Variants in PCDHGB5 observed in about 807,000 individuals in gnomAD.
PCDHGB5 encodes the protein protocadherin gamma subfamily B, 5.
A neutral mutation model predicts 62.9 loss-of-function variants in PCDHGB5; 48 were observed. That is an observed-to-expected ratio of 0.76 (90% CI 0.61 to 0.97). The LOEUF (loss-of-function observed/expected upper bound fraction) is 0.97, where lower values mean the gene tolerates loss of function less well. PCDHGB5 is among the 50% of genes least tolerant of loss of function. The pLI, the probability that PCDHGB5 is intolerant of heterozygous loss-of-function variation, is 0.00. For missense variants in PCDHGB5, 1,118 were observed against 1,198.6 expected, an observed-to-expected ratio of 0.93 and a Z score of 0.99; for synonymous variants, 474 against 511.2, an observed-to-expected ratio of 0.93 and a Z score of 0.98.
At chr5:141,410,364 C>A in intron 1 of PCDHGB5, 1 of 1,614,064 alleles carries the variant, frequency 6.2e-7, no homozygotes, top group Non-Finnish European at 8.5e-7. Flanking sequence ...TCTCTCAGCC[C>A]TGCTACTTGG....
chr5:141,421,064 G>A (rs2096543646), intron 1 of PCDHGB5: 2 of 593,294 alleles, frequency 3.4e-6, no homozygotes, highest in Non-Finnish European at 5.7e-6. Context: ...ACACAAAGCG[G>A]AATGAGATGG....
chr5:141,409,748 G>C, intron 1 of PCDHGB5: 2 of 1,613,018 alleles, frequency 1.2e-6, no homozygotes, highest in South Asian at 2.2e-5. Context: ...GGTGGTGTTC[G>C]CGCAGCGCGC....
At chr5:141,443,760 T>C (rs894568340) in intron 1 of PCDHGB5, among the ~76,000 whole-genome samples, 20 of 152,040 alleles carry the variant, frequency 1.3e-4, no homozygotes, top group African/African-American at 4.6e-4. Context: ...AAGCTTACAA[T>C]ATACAATATT....
At chr5:141,475,491 C>T (rs1321482409) in intron 1 of PCDHGB5, among the ~76,000 whole-genome samples, 2 of 152,202 alleles carry the variant, frequency 1.3e-5, no homozygotes, top group African/African-American at 4.8e-5. Flanking sequence ...AGAGATAAAA[C>T]TGAAATTATT....
intron 1 of PCDHGB5, among the ~76,000 whole-genome samples, chr5:141,466,757 T>G (rs1486124876): frequency 6.6e-6 from 1 of 152,224 alleles, no homozygotes; most frequent in Non-Finnish European, 1.5e-5. Context: ...AGGGGCTCTT[T>G]TCAAACTGTT....
rs1233801398 is a variant in PCDHGB5, at chr5:141,431,238, C to T, written c.2397+30714C>T. The stretch of plus-strand genomic sequence containing the variant: ...TTCCCTCTACCCCACGCCTGGGATC[C>T]GGATATCGGGAAGAACTCTCTGCAG... On this transcript the variant is annotated intron_variant, in intron 1 of 3. Coordinates refer to ENST00000617380, the MANE Select transcript of PCDHGB5 (RefSeq NM_018925.3). This position sits in a 1 kb window ranked among gnomAD's most constrained non-coding sequence, Gnocchi z 4.8. The T allele has an allele frequency of 3.7e-6, 6 of 1,614,156 alleles. No homozygotes were observed. Among genetic ancestry groups the T allele is most frequent in the Non-Finnish European group, 8.5e-7 (1 of 1,180,038 alleles).
In PCDHGB5 at chr5:141,491,091, A is replaced by T; in HGVS notation, c.2398-3716A>T. ...TGTTGCCACAGTCCACAGCCCCAGG[A>T]CTGTTCCTCGTGTCTACACACACTG... On this transcript the variant is annotated intron_variant, in intron 1 of 3. Transcript: ENST00000617380. This position sits in a 1 kb window ranked among gnomAD's most constrained non-coding sequence, Gnocchi z 6.9. The T allele has an allele frequency of 6.2e-7, 1 of 1,614,032 alleles. No individual in the cohort carries two copies. Among genetic ancestry groups the T allele is most frequent in the Non-Finnish European group, 8.5e-7 (1 of 1,180,000 alleles).
intron 1 of PCDHGB5, among the ~76,000 whole-genome samples, chr5:141,406,983 A>G (rs997882236): frequency 6.6e-6 from 1 of 152,250 alleles, no homozygotes; most frequent in Non-Finnish European, 1.5e-5. Context: ...AACATTTCAC[A>G]AGACATTTGA....
intron 1 of PCDHGB5, chr5:141,409,913 G>C (rs769370742): frequency 1.9e-6 from 3 of 1,613,334 alleles, no homozygotes; most frequent in East Asian, 2.2e-5. Flanking sequence ...GGGTCCTGAC[G>C]GCTCCGCGTT....
intron 3 of PCDHGB5, among the ~76,000 whole-genome samples, chr5:141,506,202 G>A (rs911181875): frequency 6.6e-6 from 1 of 152,184 alleles, no homozygotes; most frequent in Non-Finnish European, 1.5e-5. Context: ...TGTAATCCCA[G>A]CACTTTGGGA....
chr5:141,484,960 C>A, intron 1 of PCDHGB5: 1 of 577,142 alleles, frequency 1.7e-6, no homozygotes, highest in Non-Finnish European at 3.1e-6. Flanking sequence ...TTGGCTGAGC[C>A]CGGGAGCCGC....
chr5:141,510,307 G>C (rs1250172295), intron 3 of PCDHGB5, among the ~76,000 whole-genome samples: 1 of 151,446 alleles, frequency 6.6e-6, no homozygotes, highest in African/African-American at 2.4e-5. Context: ...TTTTGAAATG[G>C]AGGCTTGGAA....
At chr5:141,497,540 C>T (rs866982821) in intron 2 of PCDHGB5, among the ~76,000 whole-genome samples, 5 of 134,944 alleles carry the variant, frequency 3.7e-5, no homozygotes, top group African/African-American at 1.1e-4. Context: ...TGCAACAAAC[C>T]TTTTTTTTTT....
At position 141,477,217 on chromosome 5, in the gene PCDHGB5, G is replaced by T. The variant is rs745497348; in HGVS notation, c.2398-17590G>T. On this transcript the variant is annotated intron_variant, in intron 1 of 3. Transcript: ENST00000617380. This position sits in a 1 kb window ranked among gnomAD's most constrained non-coding sequence, Gnocchi z 4.9. ...GCCCAGTACCCGAGGATGCCCCTCTGGGGACTGTCATCGCTTTGCTCAGTG... is the reference window on the plus strand; with the variant it reads ...GCCCAGTACCCGAGGATGCCCCTCTTGGGACTGTCATCGCTTTGCTCAGTG... The T allele has an allele frequency of 8.1e-6, 13 of 1,614,178 alleles. No homozygotes were observed. The African/African-American group carries it at 1.7e-4, about 22-fold the overall frequency.
intron 3 of PCDHGB5, among the ~76,000 whole-genome samples, chr5:141,505,942 G>A (rs2099849309): frequency 6.6e-6 from 1 of 152,192 alleles, no homozygotes; most frequent in African/African-American, 2.4e-5. Flanking sequence ...AAGCCCTCAA[G>A]CAATGAAAGT....
chr5:141,486,091 G>T lies in PCDHGB5; in HGVS notation c.2398-8716G>T. ...CTACTGGAAAGCTTACTCTTTTGGG[G>T]CCCCTAGACTTTGAGAGTGAGAATT... On this transcript the variant is annotated intron_variant, in intron 1 of 3. Coordinates refer to ENST00000617380, the MANE Select transcript of PCDHGB5 (RefSeq NM_018925.3). This position sits in a 1 kb window ranked among gnomAD's most constrained non-coding sequence, Gnocchi z 5.0. 1 of 1,614,158 alleles carries T rather than the reference G, an allele frequency of 6.2e-7. No homozygotes were observed. Among genetic ancestry groups the T allele is most frequent in the South Asian group, 1.1e-5 (1 of 91,078 alleles).
At chr5:141,420,883 C>A (rs992351503) in intron 1 of PCDHGB5, among the ~76,000 whole-genome samples, 1 of 152,216 alleles carries the variant, frequency 6.6e-6, no homozygotes, top group Non-Finnish European at 1.5e-5. Context: ...TATTGTGTAT[C>A]ATCGTTTTTA....
intron 1 of PCDHGB5, chr5:141,408,161 C>T: frequency 2.0e-6 from 3 of 1,517,698 alleles, no homozygotes; most frequent in Non-Finnish European, 2.7e-6. Context: ...TGCACTTTCT[C>T]CAACTGGAAA....
chr5:141,497,473 AGGT>A (rs2099776769), intron 2 of PCDHGB5, among the ~76,000 whole-genome samples: 1 of 151,750 alleles, frequency 6.6e-6, no homozygotes. Flanking sequence ...ATGGAGGAGA[AGGT>A]GCGGAACCTC....
Sources: gnomAD v4.1 joint callset for allele counts (sites outside exome capture counted in the v4.1 genomes callset) on GRCh38, gnomAD v4.1.1 for gene constraint, Gnocchi (gnomAD v3.1) non-coding constraint, MANE v1.5 for transcripts, NCBI Gene and HGNC (gene_info 2026-07-23, HGNC 2026-07-21) for gene names.